Variants in SORCS1 observed in about 807,000 individuals in gnomAD.
The protein encoded by SORCS1 is VPS10 domain-containing receptor SorCS1.
SORCS1 carries 60 observed loss-of-function variants against 146.1 expected under a neutral mutation model. That is an observed-to-expected ratio of 0.41 (90% CI 0.33 to 0.51). SORCS1 has a LOEUF of 0.51. Ranked by LOEUF, SORCS1 falls within the 20% of genes least tolerant of loss-of-function variation. The probability of loss-of-function intolerance (pLI) is 0.21; values close to 1 mark genes in which losing one functional copy is unlikely to be tolerated. For missense variants in SORCS1, 1,352 were observed against 1,487.6 expected (o/e 0.91, Z 1.50); for synonymous variants, 637 against 584.0 (o/e 1.09, Z -1.31).
chr10:107,143,615 T>G (rs1968032930), intron 1 of SORCS1, among the ~76,000 whole-genome samples: 1 of 152,172 alleles, frequency 6.6e-6, no homozygotes, highest in Non-Finnish European at 1.5e-5. Context: ...GCGATTCTCC[T>G]GCCTCAGCCT....
chr10:107,028,670 A>G (rs1206713064), intron 1 of SORCS1, among the ~76,000 whole-genome samples: 1 of 152,164 alleles, frequency 6.6e-6, no homozygotes, highest in East Asian at 1.9e-4. Flanking sequence ...TCATAATTCA[A>G]TCAAGCACTG....
intron 1 of SORCS1, among the ~76,000 whole-genome samples, chr10:107,110,326 G>T (rs758480929): frequency 5.9e-5 from 9 of 152,086 alleles, no homozygotes; most frequent in Non-Finnish European, 1.2e-4. Flanking sequence ...CCTAAGACAA[G>T]GTAATTTATA....
chr10:107,062,784 C>G (rs985534543), intron 1 of SORCS1, among the ~76,000 whole-genome samples: 3 of 152,182 alleles, frequency 2.0e-5, no homozygotes, highest in African/African-American at 7.2e-5. Context: ...CATAACTCAA[C>G]AAGATCAAGG....
intron 2 of SORCS1, among the ~76,000 whole-genome samples, chr10:106,841,758 G>C (rs1202234055): frequency 2.0e-5 from 3 of 151,994 alleles, no homozygotes. Flanking sequence ...TTCATGGCTT[G>C]ATAGCTTTTT....
In SORCS1 at chr10:106,878,630, A is replaced by ATATATATGTATATATATATATATATATG. The variant is rs1564764999; in HGVS notation, c.627-48958_627-48957insCATATATATATATATATATACATATATA. 4.5e-5 allele frequency among the ~76,000 whole-genome samples: 6 copies of ATATATATGTATATATATATATATATATG among 133,504 alleles called. 1 individual carries two copies. Among genetic ancestry groups the ATATATATGTATATATATATATATATATG allele is most frequent in the African/African-American group, 1.6e-4 (6 of 36,640 alleles). 87.6% of individuals were successfully genotyped at this position (133,504 alleles called of 152,430 possible). ...TTTATAAACTACCTAGTATATATATATATATATATATATATATATTTTATA... is the reference window on the plus strand; with the variant it reads ...TTTATAAACTACCTAGTATATATATATATATATGTATATATATATATATATATGTATATATATATATATATATTTTATA... On this transcript the variant is annotated intron_variant, in intron 2 of 25. Coordinates refer to ENST00000263054, the MANE Select transcript of SORCS1 (RefSeq NM_052918.5).
chr10:106,818,329 C>T (rs1947843080), intron 3 of SORCS1, among the ~76,000 whole-genome samples: 2 of 151,040 alleles, frequency 1.3e-5, no homozygotes, highest in South Asian at 4.2e-4. Flanking sequence ...AAATAAATTA[C>T]ATTATTACAT....
chr10:106,694,866 C>T (rs978038836), intron 9 of SORCS1, among the ~76,000 whole-genome samples: 7 of 152,156 alleles, frequency 4.6e-5, no homozygotes, highest in Non-Finnish European at 2.9e-5. Flanking sequence ...CCTTTGCACT[C>T]AGCTGGGGTG....
At chr10:107,095,502 A>C (rs1590124589) in intron 1 of SORCS1, among the ~76,000 whole-genome samples, 1 of 152,344 alleles carries the variant, frequency 6.6e-6, no homozygotes, top group East Asian at 1.9e-4. Context: ...TCTGTTCTAA[A>C]GAGTTGGATT....
intron 20 of SORCS1, 124 bp from the exon 21 acceptor site, chr10:106,618,396 G>A: frequency 2.4e-6 from 3 of 1,225,026 alleles, no homozygotes; most frequent in South Asian, 2.9e-5. Flanking sequence ...TACCACAATG[G>A]CACTGAGTCC....
intron 6 of SORCS1, among the ~76,000 whole-genome samples, chr10:106,718,628 G>C (rs532621698): frequency 3.9e-5 from 6 of 152,256 alleles, no homozygotes; most frequent in Non-Finnish European, 7.3e-5. Flanking sequence ...AAGGGAACCC[G>C]AGTGGGTTGC....
intron 2 of SORCS1, among the ~76,000 whole-genome samples, chr10:106,837,578 A>G (rs770663927): frequency 8.0e-5 from 12 of 150,166 alleles, no homozygotes; most frequent in Non-Finnish European, 1.8e-4. Flanking sequence ...TGAGACCCCC[A>G]ATAACATCAC....
At chr10:106,684,246 G>A (rs1419820660) in intron 10 of SORCS1, among the ~76,000 whole-genome samples, 1 of 152,196 alleles carries the variant, frequency 6.6e-6, no homozygotes, top group Non-Finnish European at 1.5e-5. Flanking sequence ...GCCAAGGCAG[G>A]AGAATCACTT....
chr10:107,176,228 C>T, the SORCS1 span, among the ~76,000 whole-genome samples: 1 of 149,242 alleles, frequency 6.7e-6, no homozygotes, highest in African/African-American at 2.5e-5. Context: ...TTCCTTCCTC[C>T]CTCCTTCCCT....
chr10:106,731,571 ATG>A (rs1856602696), intron 5 of SORCS1, among the ~76,000 whole-genome samples: 2 of 152,146 alleles, frequency 1.3e-5, no homozygotes, highest in Admixed American at 6.5e-5. Context: ...TCTGTTAAAT[ATG>A]TCTCATTTAC....
rs1205794790 is a variant in SORCS1, at chr10:106,706,555, G to T, written c.1223C>A (p.Ala408Asp). The T allele has an allele frequency of 1.2e-6, 2 of 1,614,010 alleles. No homozygotes were observed. Among genetic ancestry groups the T allele is most frequent in the Non-Finnish European group, 1.7e-6 (2 of 1,179,978 alleles). Residue 408 changes from alanine (A) to aspartate (D), a missense_variant, in exon 8 of 26, where the codon GCT becomes GAT. Coordinates refer to ENST00000263054, the MANE Select transcript of SORCS1 (RefSeq NM_052918.5). ...AFAQMKLPKY[A>D]LPKDMHVIST... ...TGATTTAGGCCATACCTTGGGCAAA[G>T]CATATTTCGGAAGCTTCATTTGGGC...
intron 1 of SORCS1, among the ~76,000 whole-genome samples, chr10:107,028,156 G>A (rs1958489926): frequency 6.6e-6 from 1 of 152,310 alleles, no homozygotes; most frequent in East Asian, 1.9e-4. Context: ...CTTCTGCCAG[G>A]TAAATCAGTG....
intron 21 of SORCS1, among the ~76,000 whole-genome samples, chr10:106,615,449 G>T (rs904994591): frequency 6.6e-6 from 1 of 152,102 alleles, no homozygotes; most frequent in Non-Finnish European, 1.5e-5. Context: ...CTTTCAGCTG[G>T]GTTCAATCTT....
At chr10:106,806,097 C>T (rs12765965) in intron 3 of SORCS1, among the ~76,000 whole-genome samples, 27,568 of 129,804 alleles carry the variant, frequency 0.21, 3,133 homozygotes, top group Non-Finnish European at 0.28. Flanking sequence ...AGGCCGGGCA[C>T]GGTGGCTCAC....
intron 18 of SORCS1, among the ~76,000 whole-genome samples, chr10:106,641,746 G>T (rs918331069): frequency 6.6e-6 from 1 of 152,012 alleles, no homozygotes; most frequent in Non-Finnish European, 1.5e-5. Flanking sequence ...TTTACTGGCG[G>T]ATGCCAAAAA....
Sources: gnomAD v4.1 joint callset for allele counts (sites outside exome capture counted in the v4.1 genomes callset) on GRCh38, gnomAD v4.1.1 for gene constraint, MANE v1.5 for transcripts, NCBI Gene and HGNC (gene_info 2026-07-23, HGNC 2026-07-21) for gene names.